RIMS1: variants seen among roughly 807,000 people sequenced by gnomAD.
RIMS1 encodes the protein regulating synaptic membrane exocytosis protein 1.
A neutral mutation model predicts 214.1 loss-of-function variants in RIMS1; 83 were observed. The observed-to-expected ratio is 0.39, with a 90% confidence interval of 0.32 to 0.47. The LOEUF is 0.47. Among genes scored for constraint, RIMS1 ranks in the 20% least tolerant of loss-of-function variants. The pLI, the probability that RIMS1 is intolerant of heterozygous loss-of-function variation, is 0.99. For synonymous variants in RIMS1, 793 were observed against 786.8 expected, an observed-to-expected ratio of 1.01 and a Z score of -0.13; for missense variants, 2,050 against 2,161.8, an observed-to-expected ratio of 0.95 and a Z score of 1.03.
At chr6:72,184,037 T>C (rs544698533) in intron 6 of RIMS1, among the ~76,000 whole-genome samples, 26 of 152,242 alleles carry the variant, frequency 1.7e-4, no homozygotes, top group Non-Finnish European at 2.9e-4. Flanking sequence ...CTTAGCCTCT[T>C]CCAGTGATTT....
intron 1 of RIMS1, among the ~76,000 whole-genome samples, chr6:71,919,360 A>G (rs1779327486): frequency 6.6e-6 from 1 of 152,058 alleles, no homozygotes; most frequent in African/African-American, 2.4e-5. Flanking sequence ...ACCGTGGCTA[A>G]CCTGGGAGAG....
intron 2 of RIMS1, among the ~76,000 whole-genome samples, chr6:72,024,459 A>G (rs1328441435): frequency 3.3e-5 from 5 of 152,208 alleles, no homozygotes; most frequent in Non-Finnish European, 7.4e-5. Flanking sequence ...AAATGAAATA[A>G]TGAATGTAAA....
rs749244330 is a variant in RIMS1 at position 72,307,353 on chromosome 6, C to G, written c.3946C>G (p.Arg1316Gly). Residue 1316 changes from arginine to glycine, a missense_variant, in exon 27 of 34, where the codon CGC becomes GGC. Physicochemically the swap from Arg to Gly is moderately radical, Grantham distance 125. This residue lies in a region of RIMS1 where 889 missense variants were observed against 885.5 expected (regional missense o/e 1.00). Transcript: ENST00000521978. Reference protein sequence around the residue: ...TGSGSSQELDREQYSKYNIHK... With the variant: ...TGSGSSQELDGEQYSKYNIHK... ...GTCTGGTTCTAGTCAAGAACTTGAT[C>G]GCGAGCAATATTCCAAGGTAAAATT... is the stretch of plus-strand genomic sequence containing the variant. 1.3e-6 allele frequency: 2 copies of G among 1,596,732 alleles called. No homozygotes were observed. The highest frequency in any genetic ancestry group is 1.7e-6 in the Non-Finnish European group (2 of 1,170,712).
intron 23 of RIMS1, among the ~76,000 whole-genome samples, chr6:72,278,128 A>G (rs893352951): frequency 3.3e-5 from 5 of 151,410 alleles, no homozygotes; most frequent in East Asian, 1.9e-4. Flanking sequence ...ACTATCTTCA[A>G]TATTTTGATT....
At chr6:72,287,596 CT>C (rs1292522207) in intron 24 of RIMS1, among the ~76,000 whole-genome samples, 1,574 of 140,424 alleles carry the variant, frequency 0.011, 11 homozygotes, top group African/African-American at 0.028. Context: ...GCTCTGCAAA[CT>C]TTTTTTTTTT....
At position 72,378,918 on chromosome 6, in the gene RIMS1, G is replaced by A. The variant is rs150206020; in HGVS notation, c.4367-11680G>A. On this transcript the variant is annotated intron_variant, in intron 29 of 33. Transcript: ENST00000521978. ...GTGCCATGAGGGTATTTAATAAACG[G>A]TGTTTATTGCTAGAATCTTCCCCTC... Among the ~76,000 whole-genome samples the A allele has an allele frequency of 2.2e-4, 34 of 152,286 alleles. No homozygotes were observed. The Middle Eastern group carries it at 0.01, about 46-fold the overall frequency.
intron 2 of RIMS1, among the ~76,000 whole-genome samples, chr6:72,002,013 A>T (rs1805424841): frequency 6.6e-6 from 1 of 152,192 alleles, no homozygotes; most frequent in African/African-American, 2.4e-5. Flanking sequence ...TCATTAAGTT[A>T]AAACTAAGGA....
chr6:71,886,950 G>T lies in RIMS1; in HGVS notation c.-74G>T. The stretch of plus-strand genomic sequence containing the variant: ...GGGCTCCGCTGTGAGGGGGAAGCAG[G>T]GGCGCAGCTGCTGGGCGTGCATCCG... On this transcript the variant is annotated 5_prime_UTR_variant, in exon 1 of 34. Coordinates refer to ENST00000521978, the MANE Select transcript of RIMS1 (RefSeq NM_014989.7). The T allele has an allele frequency of 1.3e-6, 2 of 1,531,376 alleles. No individual in the cohort carries two copies. The highest frequency in any genetic ancestry group is 1.4e-5 in the African/African-American group (1 of 73,256). 94.9% of individuals were successfully genotyped at this position (1,531,376 alleles called of 1,614,324 possible).
intron 28 of RIMS1, among the ~76,000 whole-genome samples, chr6:72,319,748 T>C (rs2096044363): frequency 6.6e-6 from 1 of 152,008 alleles, no homozygotes; most frequent in Non-Finnish European, 1.5e-5. Context: ...TGCCGTACAC[T>C]ATCTAGTATA....
intron 1 of RIMS1, among the ~76,000 whole-genome samples, chr6:71,935,460 T>A (rs996558148): frequency 3.9e-5 from 6 of 152,342 alleles, no homozygotes; most frequent in African/African-American, 9.6e-5. Context: ...AAACAAAAAA[T>A]TTATAATCAC....
chr6:71,936,014 T>C (rs2150958828), intron 1 of RIMS1, among the ~76,000 whole-genome samples: 1 of 152,294 alleles, frequency 6.6e-6, no homozygotes, highest in Admixed American at 6.5e-5. Flanking sequence ...TCCCAGTGAC[T>C]GTCCTTTGGG....
chr6:72,064,798 G>A (rs1828866676), intron 2 of RIMS1, among the ~76,000 whole-genome samples: 3 of 152,322 alleles, frequency 2.0e-5, no homozygotes, highest in South Asian at 4.1e-4. Context: ...ATAAATACAG[G>A]TGCGGGGTTC....
intron 1 of RIMS1, among the ~76,000 whole-genome samples, chr6:71,916,277 T>C (rs1362988279): frequency 1.3e-5 from 2 of 152,110 alleles, no homozygotes; most frequent in Non-Finnish European, 2.9e-5. Flanking sequence ...TTTCACTCAA[T>C]AGTCAAGTTG....
chr6:72,130,296 A>T (rs1208312686), intron 4 of RIMS1, among the ~76,000 whole-genome samples: 2 of 151,940 alleles, frequency 1.3e-5, no homozygotes, highest in Non-Finnish European at 2.9e-5. Context: ...TTTTTTTCTG[A>T]ATGTATTATT....
chr6:72,170,152 A>G (rs1236599729), intron 4 of RIMS1, among the ~76,000 whole-genome samples: 3 of 152,110 alleles, frequency 2.0e-5, no homozygotes, highest in Non-Finnish European at 4.4e-5. Context: ...ACAGCCTGAG[A>G]TGCTTTCCTC....
At chr6:71,965,295 GT>G (rs528337703) in intron 1 of RIMS1, among the ~76,000 whole-genome samples, 10 of 151,428 alleles carry the variant, frequency 6.6e-5, no homozygotes, top group African/African-American at 9.7e-5. Context: ...AATAGTGGTG[GT>G]TTTTTTTTGG....
intron 4 of RIMS1, among the ~76,000 whole-genome samples, chr6:72,127,332 T>G (rs1033173234): frequency 6.6e-6 from 1 of 152,186 alleles, no homozygotes; most frequent in South Asian, 2.1e-4. Context: ...TTGTGTGTTT[T>G]GTGTCACTTG....
intron 2 of RIMS1, among the ~76,000 whole-genome samples, chr6:72,045,597 G>A (rs1018407838): frequency 9.2e-5 from 14 of 152,018 alleles, no homozygotes; most frequent in African/African-American, 2.9e-4. Flanking sequence ...TTGTTATATT[G>A]ACAAATGTCT....
chr6:72,123,800 C>CT lies in RIMS1; in HGVS notation c.471+23822dup, dbSNP rs1303810638. ...TCAGAGACTAGGATTGCAACCCCTG[C>CT]TTTTTTTTGTTTTCCATTTGCTTGG... On this transcript the variant is annotated intron_variant, in intron 4 of 33. Coordinates refer to ENST00000521978, the MANE Select transcript of RIMS1 (RefSeq NM_014989.7). 9.2e-5 allele frequency among the ~76,000 whole-genome samples: 14 copies of CT among 151,530 alleles called. 1 individual carries two copies. The highest frequency in any genetic ancestry group is 2.1e-4 in the South Asian group (1 of 4,788).
Sources: allele counts gnomAD v4.1 joint callset (sites outside exome capture counted in the v4.1 genomes callset), GRCh38; gene constraint gnomAD v4.1.1; regional missense constraint gnomAD v4.1.1; transcripts MANE v1.5; gene names NCBI Gene and HGNC (gene_info 2026-07-23, HGNC 2026-07-21).